Variants in ATRNL1 observed in about 807,000 individuals in gnomAD.
ATRNL1 encodes the protein attractin-like protein 1.
Under a neutral mutation model 182.7 loss-of-function variants are expected in ATRNL1, and 95 were observed. The ratio of observed to expected loss-of-function variants is 0.52; its 90% CI spans 0.44 to 0.62. The LOEUF (loss-of-function observed/expected upper bound fraction) is 0.62. Ranked by LOEUF, ATRNL1 falls within the 20% of genes least tolerant of loss-of-function variation. ATRNL1 has a pLI of 0.00. For missense variants in ATRNL1, 1,471 were observed against 1,679.5 expected (o/e 0.88, Z 2.17); for synonymous variants, 576 against 568.3 (o/e 1.01, Z -0.19).
intron 8 of ATRNL1, among the ~76,000 whole-genome samples, chr10:115,172,432 A>G (rs1554885878): frequency 1.3e-5 from 2 of 151,976 alleles, no homozygotes; most frequent in East Asian, 3.9e-4. Flanking sequence ...CAGAATACAT[A>G]AGGCAAATAT....
chr10:115,710,904 G>A (rs1369030518), intron 26 of ATRNL1, among the ~76,000 whole-genome samples: 8 of 151,854 alleles, frequency 5.3e-5, no homozygotes, highest in Admixed American at 1.3e-4. Flanking sequence ...TTCTTTTTTT[G>A]TTAGGATAAC....
rs1295957913 is a variant in ATRNL1 at position 115,171,102 on chromosome 10, G to T, written c.1158G>T (p.Trp386Cys). The change falls in exon 8 of 29, where the codon TGG becomes TGT. Residue 386 changes from tryptophan to cysteine, a missense_variant. Around this residue, in one of 3 missense-constraint regions of ATRNL1, gnomAD observed 1,031 missense variants for 1,156.0 expected, o/e 0.89. Transcript: ENST00000355044. ...ATGGCAATGTCACAGATGAATTATGGGTTTTTAACATACATAGTCAGTCAT... is the reference window on the plus strand; with the variant it reads ...ATGGCAATGTCACAGATGAATTATGTGTTTTTAACATACATAGTCAGTCAT... ...TNDGNVTDEL[W>C]VFNIHSQSWS... The T allele has an allele frequency of 5.6e-6, 9 of 1,595,884 alleles. No homozygotes were observed. The highest frequency in any genetic ancestry group is 7.7e-6 in the Non-Finnish European group (9 of 1,169,402).
rs113548168 is a variant in ATRNL1 at position 115,684,375 on chromosome 10, T to A, written c.3796-42873T>A. Among the ~76,000 whole-genome samples the A allele has an allele frequency of 9.7e-3, 1,468 of 151,330 alleles. 22 individuals carry two copies. Among genetic ancestry groups the A allele is most frequent in the African/African-American group, 0.034 (1,406 of 41,460 alleles). On this transcript the variant is annotated intron_variant, in intron 26 of 28. Coordinates refer to ENST00000355044, the MANE Select transcript of ATRNL1 (RefSeq NM_207303.4). ...TCTCTGTGTGTCTAATGATCCACTGTGTTGCCTGTGTGAGTATAATGTTAT... is the reference window on the plus strand; with the variant it reads ...TCTCTGTGTGTCTAATGATCCACTGAGTTGCCTGTGTGAGTATAATGTTAT...
At chr10:115,388,064 G>A (rs553723655) in intron 19 of ATRNL1, among the ~76,000 whole-genome samples, 1 of 152,312 alleles carries the variant, frequency 6.6e-6, no homozygotes, top group Non-Finnish European at 1.5e-5. Flanking sequence ...TGTTTTATGT[G>A]TAGTGGGAAG....
At chr10:115,263,695 T>A (rs550565209) in intron 10 of ATRNL1, among the ~76,000 whole-genome samples, 1 of 151,832 alleles carries the variant, frequency 6.6e-6, no homozygotes, top group Non-Finnish European at 1.5e-5. Flanking sequence ...TGCACCAACC[T>A]AATAGTGCTA....
intron 10 of ATRNL1, among the ~76,000 whole-genome samples, chr10:115,259,399 T>C (rs1403589581): frequency 6.6e-6 from 1 of 152,108 alleles, no homozygotes; most frequent in Non-Finnish European, 1.5e-5. Context: ...TGAGCAAGGC[T>C]CTGTGGGTGT....
chr10:115,473,293 T>A (rs1440272537), intron 24 of ATRNL1, among the ~76,000 whole-genome samples: 1 of 151,320 alleles, frequency 6.6e-6, no homozygotes, highest in Non-Finnish European at 1.5e-5. Flanking sequence ...TCAAGGATGT[T>A]GGCCTGTAAT....
At chr10:115,855,689 T>A (rs192786523) in intron 28 of ATRNL1, among the ~76,000 whole-genome samples, 23 of 152,310 alleles carry the variant, frequency 1.5e-4, no homozygotes, top group Admixed American at 1.3e-3. Flanking sequence ...ATAGACTGGA[T>A]TTTGTGTTTT....
intron 22 of ATRNL1, among the ~76,000 whole-genome samples, chr10:115,466,073 A>G (rs1366919214): frequency 5.9e-5 from 9 of 151,352 alleles, no homozygotes; most frequent in Admixed American, 1.3e-4. Flanking sequence ...GCTTTTTATG[A>G]TGTTCCTTAT....
intron 16 of ATRNL1, among the ~76,000 whole-genome samples, chr10:115,300,509 T>A (rs1554924161): frequency 6.6e-6 from 1 of 152,186 alleles, no homozygotes; most frequent in Non-Finnish European, 1.5e-5. Flanking sequence ...CTATTCTTAA[T>A]TCATTAATGT....
At chr10:115,270,944 C>T (rs537821918) in intron 13 of ATRNL1, among the ~76,000 whole-genome samples, 13 of 152,194 alleles carry the variant, frequency 8.5e-5, no homozygotes, top group African/African-American at 3.1e-4. Flanking sequence ...ATAACAAGGT[C>T]ATAATTCTAC....
In ATRNL1 at chr10:115,326,844, T is replaced by A. The variant is rs545868624; in HGVS notation, c.3038-7438T>A. ...AACAAGCAATGGGGAAAGGATTCCC[T>A]ATTTAATAAATGGTTCTGGGAAAAC... On this transcript the variant is annotated intron_variant, in intron 18 of 28. Coordinates refer to ENST00000355044, the MANE Select transcript of ATRNL1 (RefSeq NM_207303.4). Among the ~76,000 whole-genome samples the A allele has an allele frequency of 1.5e-4, 23 of 152,322 alleles. No individual in the cohort carries two copies. The East Asian group carries it at 4.2e-3, about 28-fold the overall frequency.
intron 27 of ATRNL1, among the ~76,000 whole-genome samples, chr10:115,738,797 A>G (rs1246085449): frequency 6.6e-6 from 1 of 152,102 alleles, no homozygotes; most frequent in African/African-American, 2.4e-5. Context: ...ATTGAAATCT[A>G]CATGGTTTTA....
chr10:115,446,141 T>A (rs1252179736), intron 21 of ATRNL1, among the ~76,000 whole-genome samples: 1 of 152,052 alleles, frequency 6.6e-6, no homozygotes. Context: ...TTAATATATG[T>A]GCTACCCTTC....
intron 26 of ATRNL1, among the ~76,000 whole-genome samples, chr10:115,692,651 G>A (rs1243316456): frequency 3.3e-5 from 5 of 151,236 alleles, no homozygotes; most frequent in African/African-American, 1.2e-4. Context: ...TAAAAAATTT[G>A]AAATAAAATG....
intron 8 of ATRNL1, among the ~76,000 whole-genome samples, chr10:115,178,105 G>T (rs1228602496): frequency 4.0e-5 from 6 of 151,516 alleles, no homozygotes; most frequent in African/African-American, 1.5e-4. Flanking sequence ...TTTTAGTAGA[G>T]ATGGGGTTTC....
intron 28 of ATRNL1, among the ~76,000 whole-genome samples, chr10:115,867,494 G>A (rs1360640522): frequency 6.6e-6 from 1 of 152,042 alleles, no homozygotes; most frequent in African/African-American, 2.4e-5. Flanking sequence ...GGCTGCTTAG[G>A]GGTCCTCATA....
At chr10:115,167,146 A>T (rs1847081455) in intron 7 of ATRNL1, among the ~76,000 whole-genome samples, 1 of 151,994 alleles carries the variant, frequency 6.6e-6, no homozygotes, top group African/African-American at 2.4e-5. Context: ...TTTGTTAAAA[A>T]AGAAACTGTC....
intron 27 of ATRNL1, among the ~76,000 whole-genome samples, chr10:115,744,391 A>T (rs1301791457): frequency 6.6e-6 from 1 of 152,066 alleles, no homozygotes; most frequent in African/African-American, 2.4e-5. Flanking sequence ...GCTGTTAAGG[A>T]TGACATTAAT....
Sources: gnomAD v4.1 joint callset for allele counts (sites outside exome capture counted in the v4.1 genomes callset) on GRCh38, gnomAD v4.1.1 for gene constraint, gnomAD v4.1.1 regional missense constraint, MANE v1.5 for transcripts, NCBI Gene and HGNC (gene_info 2026-07-23, HGNC 2026-07-21) for gene names.